The following PVT1 variants were observed in gnomAD, a reference collection of about 807,000 sequenced individuals.
The protein encoded by PVT1 is Pvt1 oncogene, also known as CXCR4/PVT1 fusion.
chr8:127,887,623 TCAAG>T (rs2129796756), intron 2 of PVT1, among the ~76,000 whole-genome samples: 1 of 152,262 alleles, frequency 6.6e-6, no homozygotes, highest in Admixed American at 6.5e-5. Context: ...CCTCCCGAGT[TCAAG>T]TGATTCTCGT....
intron 2 of PVT1, among the ~76,000 whole-genome samples, chr8:127,880,296 TC>T (rs1490170328): frequency 3.9e-5 from 6 of 152,016 alleles, no homozygotes; most frequent in Non-Finnish European, 8.8e-5. Context: ...AGTCAACAAT[TC>T]CTTTTTTCTT....
chr8:127,989,832 G>A (rs907386852), intron 4 of PVT1, among the ~76,000 whole-genome samples: 1 of 152,050 alleles, frequency 6.6e-6, no homozygotes, highest in Admixed American at 6.5e-5. Flanking sequence ...GGTTTTCTTG[G>A]TTTTGCTACT....
intron 2 of PVT1, among the ~76,000 whole-genome samples, chr8:127,868,825 G>A (rs373117231): frequency 9.6e-5 from 3 of 31,336 alleles, no homozygotes; most frequent in African/African-American, 1.9e-4. Flanking sequence ...ATATATGTAT[G>A]TATTATCTCT....
intron 3 of PVT1, among the ~76,000 whole-genome samples, chr8:127,918,782 G>C (rs1427932173): frequency 6.6e-6 from 1 of 152,206 alleles, no homozygotes. Context: ...AATGCAGTGA[G>C]CAAATGCACA....
chr8:127,973,032 C>T (rs1816781704), intron 3 of PVT1, among the ~76,000 whole-genome samples: 1 of 152,188 alleles, frequency 6.6e-6, no homozygotes. Context: ...GCTAGGACTA[C>T]AGGTTCATGC....
At chr8:127,909,592 C>G (rs1303979353) in intron 3 of PVT1, among the ~76,000 whole-genome samples, 1 of 152,172 alleles carries the variant, frequency 6.6e-6, no homozygotes, top group East Asian at 1.9e-4. Flanking sequence ...GGGGGTGACT[C>G]ATGGGCAACT....
intron 3 of PVT1, among the ~76,000 whole-genome samples, chr8:127,918,677 G>T (rs184235281): frequency 7.4e-4 from 112 of 152,292 alleles, no homozygotes; most frequent in Admixed American, 2.4e-3. Flanking sequence ...CATCCATACA[G>T]CTCCTCTAGC....
chr8:128,036,009 C>T (rs1347683551), intron 4 of PVT1, among the ~76,000 whole-genome samples: 4 of 152,170 alleles, frequency 2.6e-5, no homozygotes, highest in East Asian at 1.9e-4. Flanking sequence ...GCCAAGTTTG[C>T]GATGATTTGT....
intron 4 of PVT1, among the ~76,000 whole-genome samples, chr8:128,018,941 G>A (rs990837300): frequency 6.6e-6 from 1 of 152,244 alleles, no homozygotes; most frequent in Non-Finnish European, 1.5e-5. Flanking sequence ...TGAGCCGCGA[G>A]GTTTGTGGCT....
At chr8:127,799,838 A>G (rs1236588043) in intron 2 of PVT1, among the ~76,000 whole-genome samples, 2 of 152,260 alleles carry the variant, frequency 1.3e-5, no homozygotes, top group Admixed American at 6.5e-5. Flanking sequence ...CTGAATAGAA[A>G]GGCAACATTC....
At chr8:127,970,299 T>TTTTTTTTTG (rs1816750695) in intron 3 of PVT1, among the ~76,000 whole-genome samples, 1 of 122,348 alleles carries the variant, frequency 8.2e-6, no homozygotes, top group Admixed American at 8.5e-5. Context: ...GTTTTTTTTT[T>TTTTTTTTTG]TTTTTTTTTT....
intron 4 of PVT1, among the ~76,000 whole-genome samples, chr8:128,014,263 T>A (rs9694505): frequency 6.6e-6 from 1 of 151,834 alleles, no homozygotes; most frequent in Non-Finnish European, 1.5e-5. Context: ...CTTTTCTCTG[T>A]GGATTTATCC....
intron 5 of PVT1, among the ~76,000 whole-genome samples, chr8:128,093,152 A>G (rs758284217): frequency 2.0e-5 from 3 of 152,162 alleles, no homozygotes; most frequent in Admixed American, 6.5e-5. Context: ...CTACCCTCAC[A>G]ATGCCTAAGC....
At chr8:128,069,255 T>G (rs1194267301) in intron 4 of PVT1, among the ~76,000 whole-genome samples, 1 of 152,216 alleles carries the variant, frequency 6.6e-6, no homozygotes, top group Non-Finnish European at 1.5e-5. Flanking sequence ...CATGACAGCT[T>G]CTTTTTTTCT....
chr8:127,871,202 G>T (rs1230590465), intron 2 of PVT1, among the ~76,000 whole-genome samples: 1 of 152,184 alleles, frequency 6.6e-6, no homozygotes, highest in African/African-American at 2.4e-5. Context: ...CACCAGGAGG[G>T]GCTGTGTGGG....
intron 2 of PVT1, among the ~76,000 whole-genome samples, chr8:127,827,388 G>A (rs1359008610): frequency 1.3e-5 from 2 of 152,090 alleles, no homozygotes; most frequent in East Asian, 3.9e-4. Flanking sequence ...CTGAGTCCTA[G>A]ACACTTAGCC....
chr8:127,901,909 CT>C (rs10547587), intron 3 of PVT1, among the ~76,000 whole-genome samples: 95,160 of 147,654 alleles, frequency 0.64, 30,545 homozygotes, highest in African/African-American at 0.73. Flanking sequence ...GCCAAGGGTA[CT>C]TTTTTTTTTT....
rs116472579 is a variant in PVT1 at position 128,028,676 on chromosome 8, T to A, written n.912+39385T>A. Among the ~76,000 whole-genome samples the A allele has an allele frequency of 4.2e-3, 632 of 152,198 alleles. 3 individuals are homozygous for A. The highest frequency in any genetic ancestry group is 0.014 in the African/African-American group (600 of 41,518). ...CCCAGTTCACCGGCACAGTGAAGGG[T>A]GATGAATACTGTAGGTTAGCACATT... is the stretch of plus-strand genomic sequence containing the variant. On this transcript the variant is annotated intron_variant and non_coding_transcript_variant, in intron 4 of 10. Coordinates refer to ENST00000651587, the Ensembl canonical transcript of PVT1.
intron 4 of PVT1, among the ~76,000 whole-genome samples, chr8:127,999,855 A>G (rs928985462): frequency 2.6e-5 from 4 of 152,248 alleles, no homozygotes; most frequent in Non-Finnish European, 5.9e-5. Context: ...CACGTGGGGC[A>G]AGAGGAGTGG....
Sources: allele counts gnomAD v4.1 joint callset (sites outside exome capture counted in the v4.1 genomes callset), GRCh38; gene constraint gnomAD v4.1.1; transcripts MANE v1.5; gene names NCBI Gene and HGNC (gene_info 2026-07-23, HGNC 2026-07-21).